PCDHA6: variants seen among roughly 807,000 people sequenced by gnomAD.
PCDHA6 encodes protocadherin alpha-6.
A neutral mutation model predicts 60.3 loss-of-function variants in PCDHA6; 55 were observed. The observed-to-expected ratio is 0.91, with a 90% CI of 0.73 to 1.14. The LOEUF is 1.14. PCDHA6 is among the 50% of genes most tolerant of loss of function. PCDHA6 has a pLI of 0.00. For synonymous variants in PCDHA6, 652 were observed against 557.9 expected (o/e 1.17, Z -2.38); for missense variants, 1,327 against 1,256.5 (o/e 1.06, Z -0.85).
chr5:140,923,171 G>T (rs1236853762), intron 1 of PCDHA6, among the ~76,000 whole-genome samples: 1 of 152,112 alleles, frequency 6.6e-6, no homozygotes, highest in Non-Finnish European at 1.5e-5. Flanking sequence ...ATAAATTTTT[G>T]TTCAGATGCA....
intron 1 of PCDHA6, among the ~76,000 whole-genome samples, chr5:140,901,940 T>A (rs1444811552): frequency 6.6e-6 from 1 of 152,172 alleles, no homozygotes; most frequent in Non-Finnish European, 1.5e-5. Context: ...CCTAGGTATA[T>A]TTAGTTTTAT....
rs200308248 is a variant in PCDHA6 at position 140,834,522 on chromosome 5, C to T, written c.2394+4037C>T. The T allele has an allele frequency of 9.3e-5, 150 of 1,614,068 alleles. No homozygotes were observed. In the East Asian group the frequency reaches 2.3e-3, roughly 24 times the overall value. The stretch of plus-strand genomic sequence containing the variant: ...GGCTAAACATGGCAACTTCGTGGGC[C>T]GCATCGCGCAGGACCTGGGGCTGGA... On this transcript the variant is annotated intron_variant, in intron 1 of 3. Transcript: ENST00000529310.
intron 1 of PCDHA6, chr5:140,883,399 T>C (rs143292342): frequency 3.1e-5 from 50 of 1,614,100 alleles, no homozygotes; most frequent in Non-Finnish European, 4.1e-5. Flanking sequence ...TGTCCGATCG[T>C]GACTCTGGCT....
chr5:140,950,473 G>T (rs2094486830), intron 1 of PCDHA6, among the ~76,000 whole-genome samples: 1 of 152,010 alleles, frequency 6.6e-6, no homozygotes, highest in African/African-American at 2.4e-5. Context: ...CATAGTTTCT[G>T]ATGAGAAGTG....
At chr5:140,836,568 G>A (rs2150264277) in intron 1 of PCDHA6, 2 of 1,613,778 alleles carry the variant, frequency 1.2e-6, no homozygotes, top group Non-Finnish European at 1.7e-6. Context: ...GCCGTCCTCT[G>A]AGGGCGCATG....
At position 140,830,213 on chromosome 5, in the gene PCDHA6, T is replaced by C; in HGVS notation, c.2122T>C (p.Ser708Pro). Residue 708 changes from serine (S) to proline (P), a missense_variant, in exon 1 of 4, where the codon TCC becomes CCC. Coordinates refer to ENST00000529310, the MANE Select transcript of PCDHA6 (RefSeq NM_018909.4). The stretch of plus-strand genomic sequence containing the variant: ...CCTGATCATCGCCATCTGCGCGGTA[T>C]CCAGCCTGCTGGTCCTCACGCTACT... ...VYLIIAICAVSSLLVLTLLLY... is the reference protein window; with the variant it reads ...VYLIIAICAVPSLLVLTLLLY... 1 of 1,613,804 alleles carries C rather than the reference T, an allele frequency of 6.2e-7. No homozygotes were observed. The highest frequency in any genetic ancestry group is 8.5e-7 in the Non-Finnish European group (1 of 1,179,888).
intron 1 of PCDHA6, chr5:140,926,295 C>T (rs1554203253): frequency 6.6e-6 from 1 of 152,322 alleles, no homozygotes; most frequent in African/African-American, 2.4e-5. Flanking sequence ...CGCTGAGTCC[C>T]GCCCTCTCCG....
chr5:140,958,724 A>G (rs1563299236), intron 1 of PCDHA6, among the ~76,000 whole-genome samples: 1 of 152,188 alleles, frequency 6.6e-6, no homozygotes, highest in Admixed American at 6.5e-5. Context: ...TAAATGTAAC[A>G]CTGAATGGGA....
intron 1 of PCDHA6, chr5:140,834,842 A>C: frequency 6.2e-7 from 1 of 1,611,330 alleles, no homozygotes; most frequent in Non-Finnish European, 8.5e-7. Flanking sequence ...CTCGGTTTCC[A>C]CTAGAGGGCG....
intron 1 of PCDHA6, chr5:140,871,547 A>T: frequency 6.7e-7 from 1 of 1,498,966 alleles, no homozygotes; most frequent in Non-Finnish European, 8.9e-7. Flanking sequence ...AATTATTTAA[A>T]ATCCAGTTTT....
intron 1 of PCDHA6, among the ~76,000 whole-genome samples, chr5:140,918,947 G>T (rs56003): frequency 0.32 from 48,109 of 152,058 alleles, 7,963 homozygotes; most frequent in East Asian, 0.53. Context: ...ATAATATCCT[G>T]AACAGACTAA....
chr5:140,913,981 G>A (rs1222294742), intron 1 of PCDHA6, among the ~76,000 whole-genome samples: 1 of 152,090 alleles, frequency 6.6e-6, no homozygotes, highest in Non-Finnish European at 1.5e-5. Flanking sequence ...TTTAGGACTT[G>A]TATTGTGACT....
intron 1 of PCDHA6, chr5:140,868,985 C>A: frequency 1.3e-6 from 2 of 1,500,940 alleles, no homozygotes; most frequent in Non-Finnish European, 1.8e-6. Context: ...ATACCGGATG[C>A]CACCGTTTAA....
chr5:140,913,082 CA>C (rs1341633290), intron 1 of PCDHA6, among the ~76,000 whole-genome samples: 2 of 152,108 alleles, frequency 1.3e-5, no homozygotes, highest in Non-Finnish European at 2.9e-5. Flanking sequence ...TGTTTGGTAT[CA>C]GGATAATACT....
Position 140,835,992 on chromosome 5 carries a change from G to A in PCDHA6, c.2394+5507G>A, listed in dbSNP as rs2150249786. 2.2e-5 allele frequency: 35 copies of A among 1,613,332 alleles called. No homozygotes were observed. The African/African-American group carries it at 4.4e-4, about 20-fold the overall frequency. ...GGAGCTGTTGCAGTTCCAGGTGAGC[G>A]CGCGCGATGCGGGCGTGCCGCCTCT... On this transcript the variant is annotated intron_variant, in intron 1 of 3. Transcript: ENST00000529310.
At chr5:140,987,011 C>G (rs1266225593) in intron 3 of PCDHA6, among the ~76,000 whole-genome samples, 1 of 151,990 alleles carries the variant, frequency 6.6e-6, no homozygotes, top group African/African-American at 2.4e-5. Context: ...GTCATGAGTT[C>G]GAGACCAGCC....
chr5:140,959,293 C>G (rs1554223990), intron 1 of PCDHA6, among the ~76,000 whole-genome samples: 1 of 152,088 alleles, frequency 6.6e-6, no homozygotes, highest in African/African-American at 2.4e-5. Context: ...GGGAGCATCA[C>G]TGAGCCCGGT....
chr5:140,908,919 G>A (rs781892541), intron 1 of PCDHA6, among the ~76,000 whole-genome samples: 1 of 152,158 alleles, frequency 6.6e-6, no homozygotes, highest in Non-Finnish European at 1.5e-5. Context: ...TGTAGGAGGG[G>A]CCAAATGCAG....
chr5:140,856,512 G>T lies in PCDHA6; in HGVS notation c.2394+26027G>T, dbSNP rs781905206. On this transcript the variant is annotated intron_variant, in intron 1 of 3. Transcript: ENST00000529310. ...CTTGACTCTCGATTTCCACTAGAAG[G>T]CGCATCTGATGCGGATGTTGGAGAG... 1.9e-6 allele frequency: 3 copies of T among 1,598,396 alleles called. No individual in the cohort carries two copies. The South Asian group carries it at 3.3e-5, about 18-fold the overall frequency.
Sources: gnomAD v4.1 joint callset for allele counts (sites outside exome capture counted in the v4.1 genomes callset) on GRCh38, gnomAD v4.1.1 for gene constraint, MANE v1.5 for transcripts, NCBI Gene and HGNC (gene_info 2026-07-23, HGNC 2026-07-21) for gene names.